The following PPP1CC variants were observed in gnomAD, a reference collection of about 807,000 sequenced individuals.
PPP1CC encodes serine/threonine-protein phosphatase PP1-gamma catalytic subunit.
A neutral mutation model predicts 38.4 loss-of-function variants in PPP1CC; 16 were observed. The ratio of observed to expected loss-of-function variants is 0.42; its 90% CI spans 0.28 to 0.63. The LOEUF is 0.63. PPP1CC is among the 30% of genes least tolerant of loss of function. The probability of loss-of-function intolerance (pLI) is 0.25; values close to 1 mark genes in which losing one functional copy is unlikely to be tolerated. For missense variants in PPP1CC, 170 were observed against 391.3 expected (o/e 0.43, Z 4.77); for synonymous variants, 158 against 136.0 (o/e 1.16, Z -1.13).
downstream of PPP1CC, among the ~76,000 whole-genome samples, chr12:110,715,654 C>T (rs1023678799): frequency 9.9e-5 from 15 of 150,896 alleles, no homozygotes; most frequent in Admixed American, 6.6e-5. Flanking sequence ...GAGTTTTGCT[C>T]GTTGCCCAGG....
intron 1 of PPP1CC, among the ~76,000 whole-genome samples, chr12:110,734,073 C>T (rs2069913305): frequency 6.6e-6 from 1 of 152,128 alleles, no homozygotes; most frequent in African/African-American, 2.4e-5. Context: ...TTGCTGCATG[C>T]TTTTTGAAAG....
At chr12:110,733,476 A>AC (rs2069905294) in intron 1 of PPP1CC, among the ~76,000 whole-genome samples, 2 of 148,842 alleles carry the variant, frequency 1.3e-5, no homozygotes, top group South Asian at 4.3e-4. Context: ...GTTGCTAACA[A>AC]TTTTTTTTTT....
intron 2 of PPP1CC, among the ~76,000 whole-genome samples, chr12:110,731,552 C>T (rs1255587946): frequency 6.6e-6 from 1 of 151,262 alleles, no homozygotes; most frequent in African/African-American, 2.5e-5. Flanking sequence ...TTTATTCCTT[C>T]AGCAAAATAT....
chr12:110,729,348 C>A (rs1270172479), intron 3 of PPP1CC, among the ~76,000 whole-genome samples: 1 of 152,146 alleles, frequency 6.6e-6, no homozygotes, highest in Non-Finnish European at 1.5e-5. Flanking sequence ...GCATCTGCCA[C>A]CACGCCTGGC....
intron 3 of PPP1CC, 121 bp from the exon 4 acceptor site, chr12:110,724,885 T>C (rs2069778695): frequency 1.9e-6 from 1 of 528,156 alleles, no homozygotes; most frequent in Non-Finnish European, 3.4e-6. Context: ...AATGAAACTA[T>C]GTTTTTATTA....
chr12:110,727,496 T>C (rs2069812979), intron 3 of PPP1CC, among the ~76,000 whole-genome samples: 1 of 152,008 alleles, frequency 6.6e-6, no homozygotes, highest in South Asian at 2.1e-4. Flanking sequence ...CCATAACCTG[T>C]AATGCGGTTT....
chr12:110,742,488 G>C (rs982214993), intron 1 of PPP1CC, among the ~76,000 whole-genome samples, 165 bp downstream of exon 1: 1 of 152,174 alleles, frequency 6.6e-6, no homozygotes, highest in Non-Finnish European at 1.5e-5. Flanking sequence ...TCCCGGGCTG[G>C]CCTCCCTCCG....
At chr12:110,723,571 G>A (rs933177670) in intron 4 of PPP1CC, among the ~76,000 whole-genome samples, 4 of 152,148 alleles carry the variant, frequency 2.6e-5, no homozygotes, top group Non-Finnish European at 5.9e-5. Flanking sequence ...GTGCAGTGGT[G>A]CGATCATAGC....
Position 110,720,350 on chromosome 12 carries a change from T to C in PPP1CC, c.*726A>G. ...TTTTTGAATCCCCAAGAAGGCAGCA[T>C]GTGTATACAACCATACCACCTTGTA... is the stretch of plus-strand genomic sequence containing the variant. On this transcript the variant is annotated 3_prime_UTR_variant, in exon 7 of 7. Coordinates refer to ENST00000335007, the MANE Select transcript of PPP1CC (RefSeq NM_002710.4). 1 of 668,174 alleles carries C rather than the reference T, an allele frequency of 1.5e-6. No individual in the cohort carries two copies. Among genetic ancestry groups the C allele is most frequent in the Admixed American group, 2.5e-5 (1 of 39,580 alleles). 41.4% of individuals were successfully genotyped at this position (668,174 alleles called of 1,614,324 possible). A position where few individuals can be genotyped will look rare whatever the true frequency, so the allele number is the denominator to read the frequency against.
At position 110,724,468 on chromosome 12, in the gene PPP1CC, G is replaced by A. The variant is rs368227086; in HGVS notation, c.523+192C>T. On this transcript the variant is annotated intron_variant, in intron 4 of 6. Transcript: ENST00000335007. Reference sequence around the variant, plus strand: ...TAGCTTACAGAGTCTAGAATTCCCTGTAATAAATCAATTCCTTAAGATTTT... The same window carrying A: ...TAGCTTACAGAGTCTAGAATTCCCTATAATAAATCAATTCCTTAAGATTTT... Among the ~76,000 whole-genome samples the A allele has an allele frequency of 6.2e-4, 95 of 152,274 alleles. 4 individuals are homozygous for A. In the South Asian group the frequency reaches 0.019, roughly 31 times the overall value.
downstream of PPP1CC, among the ~76,000 whole-genome samples, chr12:110,714,997 C>T (rs1372747389): frequency 6.6e-6 from 1 of 151,752 alleles, no homozygotes; most frequent in African/African-American, 2.4e-5. Flanking sequence ...CTCTGCCACA[C>T]CTACCTAACT....
At chr12:110,730,943 C>T (rs976522005) in intron 2 of PPP1CC, among the ~76,000 whole-genome samples, 184 bp from the exon 3 acceptor site, 1 of 152,164 alleles carries the variant, frequency 6.6e-6, no homozygotes, top group African/African-American at 2.4e-5. Flanking sequence ...TTCAACTGAG[C>T]TTAACAAAAA....
the PPP1CC span, among the ~76,000 whole-genome samples, chr12:110,710,399 C>CAAAACAAAAATATTTTTGTTTTGA: frequency 0.013 from 1,934 of 149,552 alleles, 25 homozygotes; most frequent in African/African-American, 0.043. Flanking sequence ...CAAAAATTTT[C>CAAAACAAAAATATTTTTGTTTTGA]AAAACAAAAA....
rs2069725678 is a variant in PPP1CC, at chr12:110,720,471, G to A, written c.*605C>T. On this transcript the variant is annotated 3_prime_UTR_variant, in exon 7 of 7. Coordinates refer to ENST00000335007, the MANE Select transcript of PPP1CC (RefSeq NM_002710.4). ...AATGGCTTTGTCATTTTAAGTATAC[G>A]GTCGGGGAAAAGTGTGCTTTAATTA... The A allele has an allele frequency of 2.5e-6, 1 of 404,142 alleles. No individual in the cohort carries two copies. Among genetic ancestry groups the A allele is most frequent in the Non-Finnish European group, 4.5e-6 (1 of 224,474 alleles). The allele number at this position is 404,142 out of a possible 1,614,324, so 25.0% of individuals were successfully genotyped here. A position where few individuals can be genotyped will look rare whatever the true frequency, so the allele number is the denominator to read the frequency against.
rs752387051 is a variant in PPP1CC, at chr12:110,721,051, C to T, written c.*25G>A. On this transcript the variant is annotated 3_prime_UTR_variant, in exon 7 of 7. Transcript: ENST00000335007. ...GTTATATACTCTATGTTACAAGTCC[C>T]GACTAGGCAGTGTCAAAACGACATC... 19 of 1,601,188 alleles carry T rather than the reference C, an allele frequency of 1.2e-5. No individual in the cohort carries two copies. In the South Asian group the frequency reaches 1.2e-4, roughly 10 times the overall value.
the PPP1CC span, among the ~76,000 whole-genome samples, chr12:110,709,581 C>T: frequency 5.7e-4 from 86 of 150,390 alleles, no homozygotes; most frequent in African/African-American, 2.0e-3. Context: ...TTTTTTGAGA[C>T]GGAGTCTCAC....
chr12:110,730,638 C>G lies in PPP1CC; in HGVS notation c.309G>C (p.Thr103=). ...YVDRGKQSLE[T]ICLLLAYKIK... The stretch of plus-strand genomic sequence containing the variant: ...TTTTGTAGGCCAGTAAGAGGCAGAT[C>G]GTCTCCAATGACTGCTTTCCCCTGT... Residue 103 remains threonine, a synonymous_variant, in exon 3 of 7, where the codon ACG becomes ACC. Transcript: ENST00000335007. 6.2e-7 allele frequency: 1 copy of G among 1,614,128 alleles called. No homozygotes were observed. The highest frequency in any genetic ancestry group is 8.5e-7 in the Non-Finnish European group (1 of 1,179,996).
chr12:110,717,889 G>A (rs2069700118), downstream of PPP1CC, among the ~76,000 whole-genome samples: 1 of 152,132 alleles, frequency 6.6e-6, no homozygotes, highest in African/African-American at 2.4e-5. Flanking sequence ...ATAAACCTAA[G>A]ATTTTTCATG....
At chr12:110,719,254 T>C (rs979914701), downstream of PPP1CC, among the ~76,000 whole-genome samples, 2 of 152,106 alleles carry the variant, frequency 1.3e-5, no homozygotes, top group Admixed American at 6.5e-5. Flanking sequence ...CCTTCCCTCT[T>C]TGATGGGAGC....
Sources: gnomAD v4.1 joint callset for allele counts (sites outside exome capture counted in the v4.1 genomes callset) on GRCh38, gnomAD v4.1.1 for gene constraint, MANE v1.5 for transcripts, NCBI Gene and HGNC (gene_info 2026-07-23, HGNC 2026-07-21) for gene names.